Variants in ATP10A observed in about 807,000 individuals in gnomAD.
ATP10A encodes the protein ATPase phospholipid transporting 10A (putative).
ATP10A carries 111 observed loss-of-function variants against 147.8 expected under a neutral mutation model. The ratio of observed to expected loss-of-function variants is 0.75; its 90% CI spans 0.64 to 0.88. The LOEUF (loss-of-function observed/expected upper bound fraction) is 0.88. Among genes scored for constraint, ATP10A ranks in the 40% least tolerant of loss-of-function variants. The probability of loss-of-function intolerance (pLI) is 0.00; values close to 1 mark genes in which losing one functional copy is unlikely to be tolerated. For missense variants in ATP10A, 1,927 were observed against 1,959.0 expected, an observed-to-expected ratio of 0.98 and a Z score of 0.31; for synonymous variants, 875 against 841.6, an observed-to-expected ratio of 1.04 and a Z score of -0.69.
chr15:25,816,621 C>T (rs1001383832), intron 1 of ATP10A, among the ~76,000 whole-genome samples: 6 of 152,070 alleles, frequency 3.9e-5, no homozygotes, highest in Non-Finnish European at 7.3e-5. Flanking sequence ...ATCCACCATG[C>T]GAAAGATTTG....
At position 25,679,066 on chromosome 15, in the gene ATP10A, T is replaced by C. The variant is rs897924841; in HGVS notation, c.*275A>G. 5.7e-6 allele frequency: 1 copy of C among 174,358 alleles called. No homozygotes were observed. The highest frequency in any genetic ancestry group is 1.2e-5 in the Non-Finnish European group (1 of 83,382). The allele number at this position is 174,358 out of a possible 1,614,324, so 10.8% of individuals were successfully genotyped here. The stretch of plus-strand genomic sequence containing the variant: ...TGAAGAAAACAAATCGTACTGCTTG[T>C]TCTTAAAAATGAGATGAAAAAATAA... On this transcript the variant is annotated 3_prime_UTR_variant, in exon 21 of 21. Coordinates refer to ENST00000555815, the MANE Select transcript of ATP10A (RefSeq NM_024490.4).
intron 1 of ATP10A, among the ~76,000 whole-genome samples, chr15:25,854,210 G>A (rs1893411415): frequency 6.6e-6 from 1 of 152,164 alleles, no homozygotes; most frequent in Non-Finnish European, 1.5e-5. Context: ...AAGAAAGCCT[G>A]GGGCCTGTGA....
chr15:25,751,001 A>G (rs1888128473), intron 2 of ATP10A, among the ~76,000 whole-genome samples: 2 of 152,110 alleles, frequency 1.3e-5, no homozygotes, highest in African/African-American at 4.8e-5. Flanking sequence ...GTCATTAATC[A>G]CATTAAATGC....
Position 25,683,393 on chromosome 15 carries a change from G to A in ATP10A, c.3385C>T (p.Leu1129Phe). Reference sequence around the variant, plus strand: ...ACGAGCGGGGGAAGTGACGAGAAGAGCAGATTAAAGAAGATTAGATACCAC... The same window carrying A: ...ACGAGCGGGGGAAGTGACGAGAAGAACAGATTAAAGAAGATTAGATACCAC... ...DQWYLIFFNL[L>F]FSSLPPLVTG... The change falls in exon 17 of 21, where the codon CTC (leucine) becomes TTC (phenylalanine). Residue 1129 changes from leucine to phenylalanine, a missense_variant. Coordinates refer to ENST00000555815, the MANE Select transcript of ATP10A (RefSeq NM_024490.4). The A allele has an allele frequency of 1.2e-6, 2 of 1,614,098 alleles. No individual in the cohort carries two copies. Among genetic ancestry groups the A allele is most frequent in the Non-Finnish European group, 1.7e-6 (2 of 1,180,020 alleles).
At chr15:25,833,599 G>A (rs61993768) in intron 1 of ATP10A, among the ~76,000 whole-genome samples, 24,144 of 152,154 alleles carry the variant, frequency 0.16, 2,002 homozygotes, top group Middle Eastern at 0.19. Context: ...AACATGCGCC[G>A]GGCAGTATTC....
At chr15:25,768,257 G>A (rs1889133972) in intron 2 of ATP10A, among the ~76,000 whole-genome samples, 1 of 152,174 alleles carries the variant, frequency 6.6e-6, no homozygotes, top group Admixed American at 6.5e-5. Flanking sequence ...GAGCGGCAGG[G>A]GCTCCTGGGC....
chr15:25,743,158 T>C (rs556497017), intron 2 of ATP10A, among the ~76,000 whole-genome samples: 50 of 152,290 alleles, frequency 3.3e-4, no homozygotes, highest in African/African-American at 1.2e-3. Flanking sequence ...GGTAGCCACA[T>C]AGAGGAAGAC....
chr15:25,674,789 C>T (rs1270017412), downstream of ATP10A, among the ~76,000 whole-genome samples: 2 of 152,206 alleles, frequency 1.3e-5, no homozygotes, highest in Admixed American at 6.5e-5. Context: ...CAGTAAAGCA[C>T]GAATCTGCCT....
intron 9 of ATP10A, among the ~76,000 whole-genome samples, chr15:25,715,436 C>A (rs1051738970): frequency 6.6e-6 from 1 of 152,254 alleles, no homozygotes; most frequent in African/African-American, 2.4e-5. Flanking sequence ...GGAACTCAAG[C>A]CGTGTAACCT....
chr15:25,807,164 C>G (rs1891224585), intron 1 of ATP10A, among the ~76,000 whole-genome samples: 1 of 152,240 alleles, frequency 6.6e-6, no homozygotes, highest in Non-Finnish European at 1.5e-5. Context: ...CCCCTGGTGG[C>G]ATCCTTACGT....
intron 6 of ATP10A, among the ~76,000 whole-genome samples, chr15:25,723,570 C>T (rs1344452439): frequency 6.6e-6 from 1 of 151,386 alleles, no homozygotes; most frequent in East Asian, 2.0e-4. Context: ...TTTCTGTAAA[C>T]CTTAAAATTA....
At chr15:25,734,395 T>G (rs576041992) in intron 3 of ATP10A, among the ~76,000 whole-genome samples, 4 of 152,336 alleles carry the variant, frequency 2.6e-5, no homozygotes, top group African/African-American at 9.6e-5. Context: ...ATTCCAGGGA[T>G]ACCACTGAAC....
chr15:25,763,957 C>T lies in ATP10A; in HGVS notation c.654+17062G>A, dbSNP rs565415580. Among the ~76,000 whole-genome samples, 8 of 152,278 alleles carry T rather than the reference C, an allele frequency of 5.3e-5. No homozygotes were observed. In the East Asian group the frequency reaches 1.5e-3, roughly 29 times the overall value. On this transcript the variant is annotated intron_variant, in intron 2 of 20. Transcript: ENST00000555815. ...GAAAATATCAACTATGTCAGGAAAG[C>T]AAGATCACAGAAGCGGATTATCCCA...
chr15:25,681,647 G>A (rs1450729929), intron 17 of ATP10A, among the ~76,000 whole-genome samples: 1 of 152,152 alleles, frequency 6.6e-6, no homozygotes, highest in Non-Finnish European at 1.5e-5. Flanking sequence ...CGAGGCCCCA[G>A]AGGCCCGATG....
chr15:25,769,344 G>A (rs143778355), intron 2 of ATP10A, among the ~76,000 whole-genome samples: 7,015 of 151,844 alleles, frequency 0.046, 211 homozygotes, highest in Middle Eastern at 0.094. Flanking sequence ...AAAATTAGCC[G>A]GGGGTGGTGG....
In ATP10A at chr15:25,819,506, C is replaced by A. The variant is rs183570078; in HGVS notation, c.450-38283G>T. On this transcript the variant is annotated intron_variant, in intron 1 of 20. Coordinates refer to ENST00000555815, the MANE Select transcript of ATP10A (RefSeq NM_024490.4). Reference sequence around the variant, plus strand: ...TAAATTAGTACAAATCTATGGAAAACAATATGGAGATTTCTCAAAGAACTA... The same window carrying A: ...TAAATTAGTACAAATCTATGGAAAAAAATATGGAGATTTCTCAAAGAACTA... Among the ~76,000 whole-genome samples, 3 of 151,954 alleles carry A rather than the reference C, an allele frequency of 2.0e-5. No homozygotes were observed. The East Asian group carries it at 5.8e-4, about 29-fold the overall frequency.
At chr15:25,790,156 T>C (rs1052146023) in intron 1 of ATP10A, among the ~76,000 whole-genome samples, 2 of 152,206 alleles carry the variant, frequency 1.3e-5, no homozygotes, top group Non-Finnish European at 2.9e-5. Context: ...GCTCCTTCAG[T>C]GAGACATGCT....
intron 2 of ATP10A, among the ~76,000 whole-genome samples, chr15:25,756,369 C>T (rs1033577195): frequency 5.3e-5 from 8 of 152,266 alleles, no homozygotes; most frequent in East Asian, 1.9e-4. Flanking sequence ...GCTGGCCAGG[C>T]GCGGTGGCTC....
intron 1 of ATP10A, among the ~76,000 whole-genome samples, chr15:25,821,376 G>A (rs1891873670): frequency 6.7e-6 from 1 of 148,444 alleles, no homozygotes; most frequent in African/African-American, 2.5e-5. Context: ...GGGTGACAGA[G>A]TAAGACCCTG....
Sources: gnomAD v4.1 joint callset for allele counts (sites outside exome capture counted in the v4.1 genomes callset) on GRCh38, gnomAD v4.1.1 for gene constraint, MANE v1.5 for transcripts, NCBI Gene and HGNC (gene_info 2026-07-23, HGNC 2026-07-21) for gene names.